The following FBXO38 variants were observed in gnomAD, a reference collection of about 807,000 sequenced individuals.
FBXO38 encodes the protein F-box protein 38.
Under a neutral mutation model 131.9 loss-of-function variants are expected in FBXO38, and 53 were observed. The observed-to-expected ratio is 0.40, with a 90% CI of 0.32 to 0.51. FBXO38 has a LOEUF of 0.51. Ranked by LOEUF, FBXO38 falls within the 20% of genes least tolerant of loss-of-function variation. FBXO38 has a pLI of 0.53. For missense variants in FBXO38, 1,076 were observed against 1,475.6 expected, an observed-to-expected ratio of 0.73 and a Z score of 4.44; for synonymous variants, 452 against 505.6, an observed-to-expected ratio of 0.89 and a Z score of 1.42.
intron 9 of FBXO38, 197 bp downstream of exon 9, chr5:148,410,962 A>T: frequency 1.9e-6 from 1 of 529,606 alleles, no homozygotes; most frequent in Non-Finnish European, 3.3e-6. Flanking sequence ...TGATTTTAGC[A>T]TATTATAGAA....
chr5:148,393,420 C>G (rs1014198931), intron 1 of FBXO38, among the ~76,000 whole-genome samples: 1 of 152,070 alleles, frequency 6.6e-6, no homozygotes, highest in African/African-American at 2.4e-5. Flanking sequence ...TTAAAGTACC[C>G]TCTGCCCACC....
At chr5:148,395,791 T>A (rs569433050) in intron 2 of FBXO38, among the ~76,000 whole-genome samples, 86 of 152,256 alleles carry the variant, frequency 5.6e-4, no homozygotes, top group Middle Eastern at 3.4e-3. Flanking sequence ...TTTTTACTGC[T>A]TACTATTCTA....
At chr5:148,401,840 T>TA in intron 3 of FBXO38, 142 bp from the exon 4 acceptor site, 1 of 632,710 alleles carries the variant, frequency 1.6e-6, no homozygotes, top group Non-Finnish European at 2.6e-6. Flanking sequence ...TATTTTCTGT[T>TA]ATGTTTATTC....
rs767686277 is a variant in FBXO38 at position 148,442,243 on chromosome 5, A to C, written c.*96A>C. 3.4e-6 allele frequency: 4 copies of C among 1,165,422 alleles called. No homozygotes were observed. The Admixed American group carries it at 8.1e-5, about 24-fold the overall frequency. 72.2% of individuals were successfully genotyped at this position (1,165,422 alleles called of 1,614,324 possible). On this transcript the variant is annotated 3_prime_UTR_variant, in exon 22 of 22. Transcript: ENST00000340253. ...CAGGGACTTGAGGCATGCAGTTGGG[A>C]GGTCCTGGCTCGGTTTGCTATATAG...
intron 9 of FBXO38, chr5:148,413,702 CAG>C (rs753778014): frequency 2.0e-5 from 3 of 153,030 alleles, no homozygotes; most frequent in Non-Finnish European, 2.9e-5. Context: ...CTTAAATTCT[CAG>C]AGTTTACCTT....
chr5:148,398,440 TAAA>T (rs77726724), intron 2 of FBXO38, among the ~76,000 whole-genome samples: 1 of 134,998 alleles, frequency 7.4e-6, no homozygotes. Context: ...CCTTAAAGGT[TAAA>T]AAAAAAAAAA....
intron 1 of FBXO38, 133 bp downstream of exon 1, chr5:148,384,172 T>G (rs923323939): frequency 6.6e-6 from 1 of 152,450 alleles, no homozygotes; most frequent in South Asian, 2.1e-4. Flanking sequence ...CTGGCCCCCT[T>G]GGGGCCTAGA....
intron 12 of FBXO38, among the ~76,000 whole-genome samples, chr5:148,420,755 A>G (rs1209974231): frequency 6.6e-6 from 1 of 152,096 alleles, no homozygotes; most frequent in Admixed American, 6.6e-5. Context: ...ACCTGGAGGA[A>G]TCAGCACATT....
Position 148,398,994 on chromosome 5 carries a change from C to G in FBXO38, c.129-5C>G. The G allele has an allele frequency of 6.2e-7, 1 of 1,612,950 alleles. No homozygotes were observed. Among genetic ancestry groups the G allele is most frequent in the Non-Finnish European group, 8.5e-7 (1 of 1,179,324 alleles). On this transcript the variant is annotated splice_polypyrimidine_tract_variant and splice_region_variant and intron_variant, in intron 2 of 21. Coordinates refer to ENST00000340253, the MANE Select transcript of FBXO38 (RefSeq NM_205836.3). ...GATAAATACGAGTTTCTTTCTCTCA[C>G]AAAGGTACCTCCCTCTGCAGGATAT...
intron 1 of FBXO38, chr5:148,384,812 G>A (rs896920505): frequency 6.6e-6 from 1 of 152,190 alleles, no homozygotes; most frequent in Non-Finnish European, 1.5e-5. Flanking sequence ...GCAATGAGAA[G>A]CTCTGTCCAG....
At chr5:148,384,937 A>G (rs1260759804) in intron 1 of FBXO38, 2 of 152,210 alleles carry the variant, frequency 1.3e-5, no homozygotes, top group Non-Finnish European at 2.9e-5. Context: ...CTTTGGCCAA[A>G]TCCCTTCCTC....
intron 1 of FBXO38, among the ~76,000 whole-genome samples, chr5:148,393,188 G>GGGGTGTGTGT (rs1420907423): frequency 4.3e-4 from 55 of 127,084 alleles, no homozygotes; most frequent in East Asian, 1.9e-3. Context: ...ACAGAAGAGG[G>GGGGTGTGTGT]GTGTGTGTGT....
In FBXO38 at chr5:148,402,004, A is replaced by G. The variant is rs754557021; in HGVS notation, c.285A>G (p.Leu95=). The change falls in exon 4 of 22, where the codon CTA becomes CTG. Residue 95 remains leucine, a synonymous_variant. Coordinates refer to ENST00000340253, the MANE Select transcript of FBXO38 (RefSeq NM_205836.3). The part of the protein sequence containing the change: ...MPSGFTDASF[L]TLLKKMPDVE... Reference sequence around the variant, plus strand: ...CAGGCTTTACAGATGCCAGTTTTCTAACACTATTAAAGAAGATGCCAGATG... The same window carrying G: ...CAGGCTTTACAGATGCCAGTTTTCTGACACTATTAAAGAAGATGCCAGATG... 1 of 1,610,864 alleles carries G rather than the reference A, an allele frequency of 6.2e-7. No individual in the cohort carries two copies. The highest frequency in any genetic ancestry group is 8.5e-7 in the Non-Finnish European group (1 of 1,177,524).
intron 9 of FBXO38, chr5:148,413,378 CTG>C (rs976179780): frequency 5.9e-5 from 9 of 151,632 alleles, no homozygotes; most frequent in Non-Finnish European, 1.5e-5. Flanking sequence ...TGATTGCAGA[CTG>C]TGAGAGACGT....
Position 148,404,821 on chromosome 5 carries a change from A to G in FBXO38, c.729A>G (p.Ala243=). The G allele has an allele frequency of 1.3e-6, 2 of 1,596,158 alleles. No homozygotes were observed. The highest frequency in any genetic ancestry group is 1.7e-6 in the Non-Finnish European group (2 of 1,174,880). The change falls in exon 6 of 22, where the codon GCA becomes GCG. Residue 243 remains alanine, a splice_region_variant and synonymous_variant. Transcript: ENST00000340253. ...SLRTFVMRNC[A]GPTNSLKYVP... ...GAACTTTCGTCATGAGGAACTGTGC[A>G]GGTAATGGTACACAATTATGGTGGA...
intron 4 of FBXO38, 29 bp from the exon 5 acceptor site, chr5:148,402,319 C>T (rs1225893354): frequency 1.3e-6 from 2 of 1,581,140 alleles, no homozygotes; most frequent in East Asian, 2.3e-5. Context: ...AAAGTCTTTT[C>T]TTATGCTTGC....
At chr5:148,409,086 G>T (rs779223469) in intron 7 of FBXO38, 38 bp from the exon 8 acceptor site, 1 of 1,145,952 alleles carries the variant, frequency 8.7e-7, no homozygotes, top group East Asian at 2.3e-5. Flanking sequence ...CACTAAAAAT[G>T]CTATGGTCAA....
At chr5:148,408,501 G>C (rs1282221729) in intron 7 of FBXO38, among the ~76,000 whole-genome samples, 1 of 152,202 alleles carries the variant, frequency 6.6e-6, no homozygotes, top group Non-Finnish European at 1.5e-5. Flanking sequence ...TAATTAAATT[G>C]TGGCATATTC....
At chr5:148,396,470 G>GA (rs1195432140) in intron 2 of FBXO38, among the ~76,000 whole-genome samples, 2 of 151,956 alleles carry the variant, frequency 1.3e-5, no homozygotes, top group Non-Finnish European at 2.9e-5. Context: ...ACCATTTGGA[G>GA]AAAAAAATAA....
Sources: gnomAD v4.1 joint callset for allele counts (sites outside exome capture counted in the v4.1 genomes callset) on GRCh38, gnomAD v4.1.1 for gene constraint, MANE v1.5 for transcripts, NCBI Gene and HGNC (gene_info 2026-07-23, HGNC 2026-07-21) for gene names.